Variants in PTPRT observed in about 807,000 individuals in gnomAD.
PTPRT encodes the protein receptor-type tyrosine-protein phosphatase T.
A neutral mutation model predicts 176.8 loss-of-function variants in PTPRT; 56 were observed. The observed-to-expected ratio is 0.32, with a 90% CI of 0.26 to 0.40. The LOEUF is 0.40. Among genes scored for constraint, PTPRT ranks in the 10% least tolerant of loss-of-function variants. PTPRT has a pLI of 1.00. For missense variants in PTPRT, 1,540 were observed against 1,908.2 expected, an observed-to-expected ratio of 0.81 and a Z score of 3.60; for synonymous variants, 783 against 739.0, an observed-to-expected ratio of 1.06 and a Z score of -0.96.
chr20:42,844,867 G>T (rs1234642956), intron 2 of PTPRT, among the ~76,000 whole-genome samples: 1 of 152,174 alleles, frequency 6.6e-6, no homozygotes, highest in Admixed American at 6.5e-5. Context: ...GGAAACCCAT[G>T]GTCCCTGCCT....
chr20:42,708,712 C>A (rs956379532), intron 6 of PTPRT, among the ~76,000 whole-genome samples: 11 of 152,124 alleles, frequency 7.2e-5, no homozygotes, highest in African/African-American at 2.7e-4. Context: ...GGCCTCAGTG[C>A]CCTATCATAA....
At chr20:42,771,726 C>A (rs923634168) in intron 4 of PTPRT, among the ~76,000 whole-genome samples, 176 bp from the exon 5 acceptor site, 1 of 152,202 alleles carries the variant, frequency 6.6e-6, no homozygotes, top group Non-Finnish European at 1.5e-5. Flanking sequence ...ACTGTTCGAA[C>A]TTTACACGCA....
rs41279262 is a variant in PTPRT, at chr20:42,472,572, A to G, written c.1154-10T>C. Reference sequence around the variant, plus strand: ...GGGCCATGTACCGGATCTGCAAAACATGCAGGCAAGAAACAAGGGTTCTGA... The same window carrying G: ...GGGCCATGTACCGGATCTGCAAAACGTGCAGGCAAGAAACAAGGGTTCTGA... On this transcript the variant is annotated splice_polypyrimidine_tract_variant and intron_variant, in intron 7 of 30. Transcript: ENST00000373187. The G allele has an allele frequency of 0.014, 22,839 of 1,612,342 alleles. 956 individuals are homozygous for G. In the East Asian group the frequency reaches 0.15, roughly 10 times the overall value.
intron 1 of PTPRT, among the ~76,000 whole-genome samples, chr20:42,960,804 G>A (rs902325705): frequency 6.6e-6 from 1 of 152,152 alleles, no homozygotes; most frequent in Admixed American, 6.5e-5. Flanking sequence ...CAGAGAGTAA[G>A]AAGCACCCTA....
intron 26 of PTPRT, among the ~76,000 whole-genome samples, chr20:42,100,046 A>G (rs1264032239): frequency 6.6e-6 from 1 of 152,200 alleles, no homozygotes; most frequent in Non-Finnish European, 1.5e-5. Flanking sequence ...ACCTTGAGCA[A>G]GTGATGAATG....
chr20:43,168,459 G>C (rs2014913189), intron 1 of PTPRT, among the ~76,000 whole-genome samples: 1 of 152,164 alleles, frequency 6.6e-6, no homozygotes, highest in Non-Finnish European at 1.5e-5. Flanking sequence ...GTATCCTCTG[G>C]TTGGGAATCC....
At chr20:42,198,949 T>C (rs1236312467) in intron 16 of PTPRT, among the ~76,000 whole-genome samples, 1 of 152,226 alleles carries the variant, frequency 6.6e-6, no homozygotes, top group Non-Finnish European at 1.5e-5. Context: ...TCCTCCTCTT[T>C]CTTTTTTACT....
chr20:42,208,415 A>G (rs1448042138), intron 15 of PTPRT, among the ~76,000 whole-genome samples: 8 of 151,816 alleles, frequency 5.3e-5, no homozygotes. Flanking sequence ...GTGCAGAGAC[A>G]CACATAGGCT....
intron 11 of PTPRT, among the ~76,000 whole-genome samples, chr20:42,333,903 T>A (rs543956869): frequency 1.3e-5 from 2 of 152,094 alleles, no homozygotes; most frequent in South Asian, 4.2e-4. Context: ...CTGGTCTTGA[T>A]CTCCTGACCT....
At chr20:42,723,066 C>T (rs1338224648) in intron 6 of PTPRT, among the ~76,000 whole-genome samples, 1 of 152,118 alleles carries the variant, frequency 6.6e-6, no homozygotes, top group South Asian at 2.1e-4. Context: ...TGAATATAAC[C>T]TCAGAATGTC....
chr20:42,487,345 C>G (rs1226499018), intron 7 of PTPRT, among the ~76,000 whole-genome samples: 2 of 152,160 alleles, frequency 1.3e-5, no homozygotes, highest in African/African-American at 4.8e-5. Context: ...CAAATGCTGT[C>G]TCAGACCACA....
intron 2 of PTPRT, among the ~76,000 whole-genome samples, chr20:42,793,847 G>A (rs1056913379): frequency 6.6e-6 from 1 of 152,116 alleles, no homozygotes; most frequent in Non-Finnish European, 1.5e-5. Flanking sequence ...GCCCCACAAA[G>A]GGTTTGTGAC....
intron 1 of PTPRT, among the ~76,000 whole-genome samples, chr20:43,123,559 G>T (rs1270580447): frequency 6.6e-6 from 1 of 152,146 alleles, no homozygotes; most frequent in Non-Finnish European, 1.5e-5. Context: ...GAGGTTCAGG[G>T]CCACAACCCC....
intron 9 of PTPRT, among the ~76,000 whole-genome samples, chr20:42,379,362 T>A (rs571872939): frequency 2.0e-5 from 3 of 152,202 alleles, no homozygotes; most frequent in Non-Finnish European, 4.4e-5. Context: ...AATAGAGAAA[T>A]CCCAACTGTT....
At chr20:42,392,910 C>G (rs1174373009) in intron 9 of PTPRT, among the ~76,000 whole-genome samples, 2 of 151,994 alleles carry the variant, frequency 1.3e-5, no homozygotes, top group Non-Finnish European at 2.9e-5. Flanking sequence ...TTTTACACAA[C>G]AAGGAAGTCT....
intron 6 of PTPRT, among the ~76,000 whole-genome samples, chr20:42,744,779 A>C (rs537335934): frequency 1.3e-5 from 2 of 152,296 alleles, no homozygotes; most frequent in Admixed American, 1.3e-4. Context: ...CAGCTAACCA[A>C]AGAGGGGGGT....
intron 7 of PTPRT, among the ~76,000 whole-genome samples, chr20:42,644,241 G>A (rs1393205293): frequency 6.6e-6 from 1 of 152,092 alleles, no homozygotes; most frequent in African/African-American, 2.4e-5. Flanking sequence ...CTTAGGGCCT[G>A]CAGCCTCCAG....
chr20:42,675,211 CA>C (rs2075480730), intron 7 of PTPRT, among the ~76,000 whole-genome samples: 1 of 152,190 alleles, frequency 6.6e-6, no homozygotes, highest in African/African-American at 2.4e-5. Flanking sequence ...ACTTCCACAG[CA>C]AACTTCAGGT....
At chr20:42,106,457 T>TATCA (rs1349941942) in intron 24 of PTPRT, among the ~76,000 whole-genome samples, 6 of 152,226 alleles carry the variant, frequency 3.9e-5, no homozygotes, top group South Asian at 2.1e-4. Flanking sequence ...TTTCCTTCTC[T>TATCA]ATCACTTCAC....
Sources: allele counts gnomAD v4.1 joint callset (sites outside exome capture counted in the v4.1 genomes callset), GRCh38; gene constraint gnomAD v4.1.1; transcripts MANE v1.5; gene names NCBI Gene and HGNC (gene_info 2026-07-23, HGNC 2026-07-21).